Variants in CDH6 observed in about 807,000 individuals in gnomAD.
CDH6 encodes cadherin 6.
Under a neutral mutation model 78.0 loss-of-function variants are expected in CDH6, and 31 were observed. The ratio of observed to expected loss-of-function variants is 0.40; its 90% CI spans 0.30 to 0.54. The LOEUF (loss-of-function observed/expected upper bound fraction) is 0.54, where lower values mean the gene tolerates loss of function less well. Among genes scored for constraint, CDH6 ranks in the 20% least tolerant of loss-of-function variants. CDH6 has a pLI of 0.56. For synonymous variants in CDH6, 376 were observed against 368.8 expected (o/e 1.02, Z -0.23); for missense variants, 724 against 975.9 (o/e 0.74, Z 3.44).
chr5:31,217,242 G>A (rs1194003579), intron 1 of CDH6, among the ~76,000 whole-genome samples: 1 of 151,970 alleles, frequency 6.6e-6, no homozygotes, highest in Admixed American at 6.6e-5. Context: ...CAAATATAGT[G>A]GTTTTCAACT....
At chr5:31,280,555 T>C (rs575413371) in intron 2 of CDH6, among the ~76,000 whole-genome samples, 36 of 152,296 alleles carry the variant, frequency 2.4e-4, no homozygotes, top group African/African-American at 8.4e-4. Context: ...TCTTTCCCTA[T>C]ATCACATTAT....
At chr5:31,216,675 C>T (rs1417297771) in intron 1 of CDH6, among the ~76,000 whole-genome samples, 1 of 70,432 alleles carries the variant, frequency 1.4e-5, no homozygotes. Flanking sequence ...TATAGCAAGC[C>T]CTGCCACCAA....
chr5:31,221,019 C>G (rs1232418759), intron 1 of CDH6, among the ~76,000 whole-genome samples: 3 of 152,226 alleles, frequency 2.0e-5, no homozygotes, highest in Non-Finnish European at 4.4e-5. Context: ...ATCCTGGATA[C>G]AGGCTGTTCA....
At chr5:31,292,804 CATATATATAT>C (rs1365766997) in intron 2 of CDH6, among the ~76,000 whole-genome samples, 1 of 125,334 alleles carries the variant, frequency 8.0e-6, no homozygotes, top group Admixed American at 7.9e-5. Flanking sequence ...TATGTGTGTG[CATATATATAT>C]ATGTGTGCAT....
chr5:31,214,411 G>T (rs1040645003), intron 1 of CDH6, among the ~76,000 whole-genome samples: 3 of 152,150 alleles, frequency 2.0e-5, no homozygotes, highest in Non-Finnish European at 4.4e-5. Context: ...CCAACTAGGG[G>T]ATTTGGATGA....
chr5:31,220,442 G>C (rs541112695), intron 1 of CDH6, among the ~76,000 whole-genome samples: 1 of 152,076 alleles, frequency 6.6e-6, no homozygotes, highest in East Asian at 1.9e-4. Context: ...ATTAAAGTGA[G>C]GGATGCCAAA....
chr5:31,300,985 C>T (rs544594841), intron 5 of CDH6, among the ~76,000 whole-genome samples: 8 of 152,112 alleles, frequency 5.3e-5, no homozygotes, highest in South Asian at 2.1e-4. Context: ...TAGTCAGGCA[C>T]GATGGTGTGC....
chr5:31,253,991 A>G lies in CDH6; in HGVS notation c.-128-13355A>G, dbSNP rs114042527. ...CCACAGTCGACCACAGTCCAAAAAT[A>G]TTACATGGAAAATTCCAGAAATAAA... On this transcript the variant is annotated intron_variant, in intron 1 of 11. Transcript: ENST00000265071. Among the ~76,000 whole-genome samples the G allele has an allele frequency of 8.1e-3, 1,240 of 152,336 alleles. 20 individuals are homozygous for G. Among genetic ancestry groups the G allele is most frequent in the African/African-American group, 0.028 (1,185 of 41,584 alleles).
intron 1 of CDH6, among the ~76,000 whole-genome samples, chr5:31,207,326 A>G (rs1740555422): frequency 6.6e-6 from 1 of 152,148 alleles, no homozygotes; most frequent in South Asian, 2.1e-4. Flanking sequence ...GAATGTGTTG[A>G]CACTCACACT....
intron 1 of CDH6, among the ~76,000 whole-genome samples, chr5:31,242,962 C>CT (rs1741646807): frequency 6.6e-6 from 1 of 152,096 alleles, no homozygotes; most frequent in Admixed American, 6.6e-5. Flanking sequence ...TTCTATCACT[C>CT]TAAGTCTTTG....
At chr5:31,278,820 T>C (rs947232330) in intron 2 of CDH6, among the ~76,000 whole-genome samples, 1 of 152,208 alleles carries the variant, frequency 6.6e-6, no homozygotes, top group South Asian at 2.1e-4. Context: ...ATCTTAATGC[T>C]TTCTACTACT....
At chr5:31,317,598 T>C in intron 10 of CDH6, 75 bp from the exon 11 acceptor site, 1 of 1,560,586 alleles carries the variant, frequency 6.4e-7, no homozygotes, top group Middle Eastern at 1.7e-4. Context: ...TCTATATCTA[T>C]CTTTTCTTAT....
At chr5:31,307,980 G>A (rs1738033538) in intron 7 of CDH6, among the ~76,000 whole-genome samples, 3 of 152,078 alleles carry the variant, frequency 2.0e-5, no homozygotes, top group African/African-American at 7.2e-5. Flanking sequence ...TTGATACGTA[G>A]ATATAGATTT....
intron 1 of CDH6, among the ~76,000 whole-genome samples, chr5:31,215,216 G>A (rs966200397): frequency 5.9e-5 from 9 of 151,970 alleles, no homozygotes; most frequent in African/African-American, 1.5e-4. Context: ...ATAATAAACC[G>A]CTGTAGGTAT....
rs1033982015 is a variant in CDH6, at chr5:31,325,187, A to T, written c.*1879A>T. 1 of 228,646 alleles carries T rather than the reference A, an allele frequency of 4.4e-6. No individual in the cohort carries two copies. Among genetic ancestry groups the T allele is most frequent in the Non-Finnish European group, 8.7e-6 (1 of 115,240 alleles). 14.2% of individuals were successfully genotyped at this position (228,646 alleles called of 1,614,324 possible). On this transcript the variant is annotated 3_prime_UTR_variant, in exon 12 of 12. Coordinates refer to ENST00000265071, the MANE Select transcript of CDH6 (RefSeq NM_004932.4). ...CTGATTAGAGTGAAAATTTTTTACA[A>T]TCATATTATTCCTTGTGTCTTCTGA... is the stretch of plus-strand genomic sequence containing the variant.
chr5:31,288,622 G>C (rs1743072687), intron 2 of CDH6, among the ~76,000 whole-genome samples: 1 of 152,160 alleles, frequency 6.6e-6, no homozygotes, highest in South Asian at 2.1e-4. Context: ...GTCATAATTT[G>C]ATTGATTGTG....
chr5:31,312,331 C>T (rs966649440), intron 7 of CDH6, among the ~76,000 whole-genome samples: 12 of 152,214 alleles, frequency 7.9e-5, no homozygotes, highest in Non-Finnish European at 1.6e-4. Flanking sequence ...TGTGGCAGCA[C>T]CGTTCAACCA....
At chr5:31,214,133 T>G (rs1438239184) in intron 1 of CDH6, among the ~76,000 whole-genome samples, 2 of 126,938 alleles carry the variant, frequency 1.6e-5, no homozygotes, top group African/African-American at 6.0e-5. Flanking sequence ...GAAAGGAATC[T>G]GTGCCTTAAA....
rs935502084 is a variant in CDH6, at chr5:31,266,023, A to C, written c.-128-1323A>C. 7.9e-5 allele frequency among the ~76,000 whole-genome samples: 12 copies of C among 151,874 alleles called. No individual in the cohort carries two copies. In the South Asian group the frequency reaches 1.5e-3, roughly 19 times the overall value. On this transcript the variant is annotated intron_variant, in intron 1 of 11. Transcript: ENST00000265071. ...GATCTCCTGACCTCATGATCTGCCC[A>C]CCTCGGCCTCCCAAATTTGCTGGGA...
Sources: gnomAD v4.1 joint callset for allele counts (sites outside exome capture counted in the v4.1 genomes callset) on GRCh38, gnomAD v4.1.1 for gene constraint, MANE v1.5 for transcripts, NCBI Gene and HGNC (gene_info 2026-07-23, HGNC 2026-07-21) for gene names.